Variants in LRRC4C observed in about 807,000 individuals in gnomAD.
LRRC4C encodes leucine-rich repeat-containing protein 4C.
In LRRC4C, 5 loss-of-function variants were observed where a neutral mutation model predicts 33.6. The ratio of observed to expected loss-of-function variants is 0.15; its 90% confidence interval spans 0.08 to 0.31. The LOEUF (loss-of-function observed/expected upper bound fraction) is 0.31. Ranked by LOEUF, LRRC4C falls within the 10% of genes least tolerant of loss-of-function variation. LRRC4C has a pLI of 1.00. For synonymous variants in LRRC4C, 329 were observed against 302.0 expected (o/e 1.09, Z -0.93); for missense variants, 560 against 796.7 (o/e 0.70, Z 3.58).
chr11:41,414,785 G>A (rs1314862452), intron 1 of LRRC4C, among the ~76,000 whole-genome samples: 1 of 151,958 alleles, frequency 6.6e-6, no homozygotes, highest in Non-Finnish European at 1.5e-5. Flanking sequence ...TGTGCTATAC[G>A]TCATTAGTCT....
intron 2 of LRRC4C, among the ~76,000 whole-genome samples, chr11:40,850,754 G>A (rs1332438457): frequency 2.0e-5 from 3 of 152,230 alleles, no homozygotes; most frequent in Non-Finnish European, 4.4e-5. Flanking sequence ...CTGGTGCCCT[G>A]TCCCAGGGAG....
intron 2 of LRRC4C, among the ~76,000 whole-genome samples, chr11:40,680,003 C>A (rs1406877514): frequency 6.6e-6 from 1 of 152,140 alleles, no homozygotes; most frequent in African/African-American, 2.4e-5. Context: ...GGGGGATATA[C>A]CTTGCAAAGC....
At chr11:41,174,587 T>C (rs934305841) in intron 1 of LRRC4C, among the ~76,000 whole-genome samples, 4 of 152,116 alleles carry the variant, frequency 2.6e-5, no homozygotes, top group Admixed American at 1.3e-4. Flanking sequence ...TCCAGGATTA[T>C]GTGCTATTGC....
At chr11:41,074,824 G>A (rs924258170) in intron 1 of LRRC4C, among the ~76,000 whole-genome samples, 5 of 152,008 alleles carry the variant, frequency 3.3e-5, no homozygotes, top group South Asian at 4.1e-4. Flanking sequence ...CTACCTGGTA[G>A]GTTAAGCTTA....
chr11:40,362,373 G>A (rs981581456), intron 3 of LRRC4C, among the ~76,000 whole-genome samples: 1 of 151,868 alleles, frequency 6.6e-6, no homozygotes, highest in Non-Finnish European at 1.5e-5. Context: ...ATCTGAGAAA[G>A]GTGTAATATC....
At chr11:40,668,484 C>G (rs550570579) in intron 2 of LRRC4C, among the ~76,000 whole-genome samples, 1 of 152,140 alleles carries the variant, frequency 6.6e-6, no homozygotes, top group African/African-American at 2.4e-5. Context: ...AAATAAAGTT[C>G]GCAAGGGAAG....
At chr11:40,667,194 T>C (rs1420791843) in intron 2 of LRRC4C, among the ~76,000 whole-genome samples, 2 of 152,208 alleles carry the variant, frequency 1.3e-5, no homozygotes, top group Non-Finnish European at 2.9e-5. Context: ...ACTTTACCTA[T>C]ATGATAAGGG....
At chr11:41,240,625 C>A (rs1025197328) in intron 1 of LRRC4C, among the ~76,000 whole-genome samples, 3 of 152,098 alleles carry the variant, frequency 2.0e-5, no homozygotes, top group African/African-American at 7.2e-5. Flanking sequence ...CCTAAGCCAC[C>A]GTTTTGCATA....
At chr11:40,372,738 C>A (rs1163585661) in intron 3 of LRRC4C, among the ~76,000 whole-genome samples, 1 of 152,090 alleles carries the variant, frequency 6.6e-6, no homozygotes, top group Non-Finnish European at 1.5e-5. Flanking sequence ...TCAGGAAGGG[C>A]AGTGAACTGA....
rs181609261 is a variant in LRRC4C, at chr11:40,902,698, C to T, written c.-407+30937G>A. Among the ~76,000 whole-genome samples, 377 of 152,206 alleles carry T rather than the reference C, an allele frequency of 2.5e-3. 5 individuals are homozygous for T. Among genetic ancestry groups the T allele is most frequent in the South Asian group, 6.4e-3 (31 of 4,824 alleles). On this transcript the variant is annotated intron_variant, in intron 2 of 6. Coordinates refer to ENST00000528697, the MANE Select transcript of LRRC4C (RefSeq NM_001258419.2). ...AAATGAAACAGCCTGACTGCTGATA[C>T]GGAGAAAGTTTCAGAGGTCTGAATA...
At chr11:40,310,660 T>C (rs1459297081) in intron 4 of LRRC4C, among the ~76,000 whole-genome samples, 1 of 152,110 alleles carries the variant, frequency 6.6e-6, no homozygotes, top group African/African-American at 2.4e-5. Flanking sequence ...AAGCATTAAC[T>C]CACAACAACC....
intron 3 of LRRC4C, chr11:40,447,275 G>A (rs892444102): frequency 6.5e-6 from 1 of 152,750 alleles, no homozygotes; most frequent in African/African-American, 2.4e-5. Flanking sequence ...CTGTACTGGA[G>A]ACATCATTTC....
chr11:41,442,458 C>CTTTTTTTTTTTTTTTTTTTTTTTTT (rs775679545), intron 1 of LRRC4C, among the ~76,000 whole-genome samples: 2 of 84,070 alleles, frequency 2.4e-5, no homozygotes, highest in Admixed American at 1.3e-4. Context: ...TTGCTTTTTT[C>CTTTTTTTTTTTTTTTTTTTTTTTTT]TTTTTTTTTT....
At chr11:41,251,211 T>C (rs1277384878) in intron 1 of LRRC4C, among the ~76,000 whole-genome samples, 4 of 152,334 alleles carry the variant, frequency 2.6e-5, no homozygotes, top group African/African-American at 9.6e-5. Flanking sequence ...AGGGAAATAG[T>C]TCATGCCTAC....
chr11:41,288,315 A>G (rs528115294), intron 1 of LRRC4C, among the ~76,000 whole-genome samples: 242 of 152,288 alleles, frequency 1.6e-3, no homozygotes, highest in African/African-American at 5.7e-3. Flanking sequence ...ATTCCCAACC[A>G]CTTGGGGAAA....
At chr11:41,023,489 T>C (rs1856124539) in intron 1 of LRRC4C, among the ~76,000 whole-genome samples, 1 of 151,772 alleles carries the variant, frequency 6.6e-6, no homozygotes, top group African/African-American at 2.4e-5. Flanking sequence ...CTCTAACAAT[T>C]AAATGACATA....
chr11:41,216,355 A>T (rs528717946), intron 1 of LRRC4C, among the ~76,000 whole-genome samples: 5 of 152,164 alleles, frequency 3.3e-5, no homozygotes, highest in African/African-American at 7.2e-5. Flanking sequence ...AAGAAAAACG[A>T]CATTGAGATA....
chr11:40,760,760 G>A (rs1949166944), intron 2 of LRRC4C, among the ~76,000 whole-genome samples: 1 of 148,232 alleles, frequency 6.7e-6, no homozygotes, highest in South Asian at 2.1e-4. Flanking sequence ...ACAGTCACAT[G>A]CCAGCACACC....
At chr11:41,162,893 A>G (rs1944537045) in intron 1 of LRRC4C, among the ~76,000 whole-genome samples, 6 of 152,148 alleles carry the variant, frequency 3.9e-5, no homozygotes, top group Admixed American at 3.3e-4. Context: ...TTCAAAAACA[A>G]TTAACCTTAG....
Sources: allele counts gnomAD v4.1 joint callset (sites outside exome capture counted in the v4.1 genomes callset), GRCh38; gene constraint gnomAD v4.1.1; transcripts MANE v1.5; gene names NCBI Gene and HGNC (gene_info 2026-07-23, HGNC 2026-07-21).